The following VAC14 variants were observed in gnomAD, a reference collection of about 807,000 sequenced individuals.
The protein encoded by VAC14 is VAC14 component of PIKFYVE complex.
In VAC14, 47 loss-of-function variants were observed where a neutral mutation model predicts 85.3. The ratio of observed to expected loss-of-function variants is 0.55; its 90% CI spans 0.44 to 0.70. The LOEUF (loss-of-function observed/expected upper bound fraction) is 0.70, where lower values mean the gene tolerates loss of function less well. Ranked by LOEUF, VAC14 falls within the 30% of genes least tolerant of loss-of-function variation. VAC14 has a pLI of 0.00. For missense variants in VAC14, 861 were observed against 1,004.3 expected (o/e 0.86, Z 1.93); for synonymous variants, 447 against 430.5 (o/e 1.04, Z -0.47).
At chr16:70,713,898 G>C (rs1018453957) in intron 14 of VAC14, 27 of 152,266 alleles carry the variant, frequency 1.8e-4, no homozygotes, top group African/African-American at 6.5e-4. Flanking sequence ...TTAGCTGGCT[G>C]TGGGAAGCCC....
At chr16:70,691,607 G>A in intron 18 of VAC14, 4 of 985,510 alleles carry the variant, frequency 4.1e-6, no homozygotes, top group Non-Finnish European at 4.8e-6. Flanking sequence ...ACCCTGAGCA[G>A]CTGGGGTGGC....
chr16:70,694,678 C>G (rs1464238139), intron 17 of VAC14, among the ~76,000 whole-genome samples: 1 of 152,232 alleles, frequency 6.6e-6, no homozygotes, highest in Non-Finnish European at 1.5e-5. Context: ...CCTGGCTTCT[C>G]TGCACATTAT....
chr16:70,694,297 A>G (rs1375355187), intron 17 of VAC14, among the ~76,000 whole-genome samples: 1 of 152,212 alleles, frequency 6.6e-6, no homozygotes, highest in Non-Finnish European at 1.5e-5. Flanking sequence ...CAGCAGCAGG[A>G]GCAGGGTCTT....
chr16:70,715,120 G>A (rs1199048768), intron 14 of VAC14: 2 of 152,182 alleles, frequency 1.3e-5, no homozygotes, highest in African/African-American at 4.8e-5. Context: ...GGCCACCAGG[G>A]GCCTCCCAGC....
intron 12 of VAC14, among the ~76,000 whole-genome samples, chr16:70,749,270 T>C (rs1469393779): frequency 2.0e-5 from 3 of 152,224 alleles, no homozygotes; most frequent in Admixed American, 1.3e-4. Flanking sequence ...CTGCAGAGAA[T>C]GTGCTTAGCC....
Position 70,689,698 on chromosome 16 carries a change from C to T in VAC14, c.2187-1608G>A, listed in dbSNP as rs907350075. 1.9e-5 allele frequency: 19 copies of T among 985,604 alleles called. No homozygotes were observed. The Admixed American group carries it at 4.9e-4, about 25-fold the overall frequency. The allele number at this position is 985,604 out of a possible 1,614,324, so 61.1% of individuals were successfully genotyped here. On this transcript the variant is annotated intron_variant, in intron 18 of 18. Transcript: ENST00000261776. ...GGGCCTGGCGCTCCTGGCTCCCTAG[C>T]GGGGCTCAGCTGACTTTAGTTCAAC...
intron 14 of VAC14, among the ~76,000 whole-genome samples, chr16:70,706,250 T>G (rs945400065): frequency 6.6e-6 from 1 of 152,216 alleles, no homozygotes; most frequent in African/African-American, 2.4e-5. Flanking sequence ...ACTGGGCAGG[T>G]AGTCCTGGCT....
chr16:70,790,990 G>A (rs766755331), intron 1 of VAC14, among the ~76,000 whole-genome samples: 3 of 152,220 alleles, frequency 2.0e-5, no homozygotes, highest in African/African-American at 4.8e-5. Context: ...CTGGGCCACC[G>A]GCAGGAAGAA....
rs868301131 is a variant in VAC14, at chr16:70,792,886, G to A, written c.105-6521C>T. Among the ~76,000 whole-genome samples, 15 of 152,278 alleles carry A rather than the reference G, an allele frequency of 9.9e-5. No individual in the cohort carries two copies. In the South Asian group the frequency reaches 2.1e-3, roughly 21 times the overall value. On this transcript the variant is annotated intron_variant, in intron 1 of 18. Transcript: ENST00000261776. ...AGTATTCCAGGGGTCAGTTATTCCC[G>A]ACGATACCTCCTGCTGTAGCTATTA...
chr16:70,790,032 G>A (rs758725984), intron 1 of VAC14, among the ~76,000 whole-genome samples: 6 of 152,222 alleles, frequency 3.9e-5, no homozygotes, highest in Non-Finnish European at 5.9e-5. Context: ...CCTCCTGTGC[G>A]ATGACCAGTG....
At chr16:70,761,303 C>T (rs1305016180) in intron 12 of VAC14, 6 of 321,522 alleles carry the variant, frequency 1.9e-5, no homozygotes, top group Admixed American at 8.0e-5. Context: ...GCCTCATCCA[C>T]TCTCTGCAGT....
rs142435180 is a variant in VAC14, at chr16:70,731,548, C to T, written c.1608G>A (p.Lys536=). 2.7e-5 allele frequency: 43 copies of T among 1,614,030 alleles called. No individual in the cohort carries two copies. The highest frequency in any genetic ancestry group is 3.6e-5 in the Non-Finnish European group (43 of 1,180,026). The change falls in exon 14 of 19, where the codon AAG becomes AAA. Residue 536 remains lysine (K), a synonymous_variant. Coordinates refer to ENST00000261776, the MANE Select transcript of VAC14 (RefSeq NM_018052.5). ...YFYKFMINLL[K]RFSSERKLLE... ...GGAGCTTCCGTTCGCTGCTGAATCT[C>T]TTGAGAAGGTTGATCATGAACTTAT...
intron 17 of VAC14, 24 bp from the exon 18 acceptor site, chr16:70,692,995 T>C (rs1443578431): frequency 2.5e-6 from 4 of 1,602,114 alleles, no homozygotes; most frequent in Non-Finnish European, 2.6e-6. Flanking sequence ...AGGGCAGGGG[T>C]CAGGGACCTG....
intron 14 of VAC14, among the ~76,000 whole-genome samples, chr16:70,724,586 C>T (rs1044972250): frequency 2.0e-5 from 3 of 152,174 alleles, no homozygotes; most frequent in Admixed American, 6.5e-5. Flanking sequence ...ATTCCCATTG[C>T]GAAGGGGTCT....
rs562660245 is a variant in VAC14 at position 70,736,567 on chromosome 16, T to C, written c.1529-4940A>G. 8.2e-4 allele frequency among the ~76,000 whole-genome samples: 125 copies of C among 152,308 alleles called. No individual in the cohort carries two copies. The South Asian group carries it at 0.024, about 30-fold the overall frequency. ...GCAGAAGAGAAGGGCTGGGCTGCTC[T>C]GGACACAACTCTGAACTCCTTAGCC... On this transcript the variant is annotated intron_variant, in intron 13 of 18. Transcript: ENST00000261776.
intron 14 of VAC14, among the ~76,000 whole-genome samples, chr16:70,709,421 C>T (rs533890910): frequency 2.0e-5 from 3 of 152,334 alleles, no homozygotes; most frequent in African/African-American, 7.2e-5. Flanking sequence ...CCAGAAGCTT[C>T]CTGTGGCTCC....
At chr16:70,763,340 CT>C in intron 10 of VAC14, among the ~76,000 whole-genome samples, 2 of 152,324 alleles carry the variant, frequency 1.3e-5, no homozygotes, top group South Asian at 4.1e-4. Flanking sequence ...CTCCCACTCA[CT>C]TTTCCTTTTC....
intron 13 of VAC14, among the ~76,000 whole-genome samples, chr16:70,743,437 A>G (rs2030555143): frequency 6.6e-6 from 1 of 152,218 alleles, no homozygotes; most frequent in Admixed American, 6.5e-5. Context: ...TGTTCTTCAC[A>G]ATAAATCTTG....
At chr16:70,761,014 TGTGTGCATGGGG>T (rs1466077893) in intron 12 of VAC14, 25 of 307,910 alleles carry the variant, frequency 8.1e-5, no homozygotes, top group African/African-American at 6.0e-4. Context: ...TGTGTGTGTG[TGTGTGCATGGGG>T]GGGCGGGGGG....
Sources: allele counts gnomAD v4.1 joint callset (sites outside exome capture counted in the v4.1 genomes callset), GRCh38; gene constraint gnomAD v4.1.1; transcripts MANE v1.5; gene names NCBI Gene and HGNC (gene_info 2026-07-23, HGNC 2026-07-21).